PUM1: variants seen among roughly 807,000 people sequenced by gnomAD.
PUM1 encodes the protein pumilio RNA binding family member 1.
A neutral mutation model predicts 131.8 loss-of-function variants in PUM1; 13 were observed. The observed-to-expected ratio is 0.10, with a 90% CI of 0.06 to 0.16. The LOEUF is 0.16. PUM1 is among the 10% of genes least tolerant of loss of function. PUM1 has a pLI of 1.00. For synonymous variants in PUM1, 509 were observed against 556.5 expected, an observed-to-expected ratio of 0.91 and a Z score of 1.20; for missense variants, 961 against 1,512.4, an observed-to-expected ratio of 0.64 and a Z score of 6.05.
chr1:30,968,612 T>G, intron 10 of PUM1, 120 bp from the exon 11 acceptor site: 2 of 995,906 alleles, frequency 2.0e-6, no homozygotes, highest in Non-Finnish European at 2.9e-6. Context: ...ATAATGGTTT[T>G]TATATGTCAC....
chr1:30,936,940 G>C lies in PUM1; in HGVS notation c.3243-105C>G, dbSNP rs2124378799. 4 of 960,324 alleles carry C rather than the reference G, an allele frequency of 4.2e-6. No homozygotes were observed. The South Asian group carries it at 7.3e-5, about 17-fold the overall frequency. 59.5% of individuals were successfully genotyped at this position (960,324 alleles called of 1,614,324 possible). ...TGACCTCCGGACCAGCAGGGAGAGA[G>C]AGCTATTTAACATTTGAGGAAGATG... On this transcript the variant is annotated intron_variant, in intron 20 of 21. Coordinates refer to ENST00000426105, the MANE Select transcript of PUM1 (RefSeq NM_001020658.2).
chr1:30,941,939 A>C (rs1281965852), intron 19 of PUM1, 59 bp downstream of exon 19: 1 of 1,432,890 alleles, frequency 7.0e-7, no homozygotes, highest in Non-Finnish European at 9.5e-7. Flanking sequence ...AAACACACAA[A>C]CTCTGGCCCT....
chr1:30,962,997 T>C (rs1411508691), intron 14 of PUM1, among the ~76,000 whole-genome samples: 2 of 152,208 alleles, frequency 1.3e-5, no homozygotes, highest in African/African-American at 4.8e-5. Flanking sequence ...TGGTTCAAGA[T>C]ATCCTGAGTA....
intron 9 of PUM1, among the ~76,000 whole-genome samples, chr1:30,978,284 G>A (rs1047722316): frequency 3.3e-5 from 5 of 152,148 alleles, no homozygotes; most frequent in Middle Eastern, 3.2e-3. Context: ...GCAGCTGTCT[G>A]AGCCACAAAT....
intron 11 of PUM1, 97 bp from the exon 12 acceptor site, chr1:30,967,407 G>A (rs1640666347): frequency 1.6e-6 from 2 of 1,271,596 alleles, no homozygotes; most frequent in Non-Finnish European, 2.2e-6. Flanking sequence ...TCAGCTTTGA[G>A]GTTGAATTGG....
At chr1:30,943,994 A>G (rs1639566109) in intron 18 of PUM1, among the ~76,000 whole-genome samples, 1 of 152,212 alleles carries the variant, frequency 6.6e-6, no homozygotes, top group Non-Finnish European at 1.5e-5. Context: ...TATACATTCT[A>G]GTTATCAATC....
chr1:30,978,131 G>C (rs1022616698), intron 9 of PUM1, among the ~76,000 whole-genome samples: 2 of 152,106 alleles, frequency 1.3e-5, no homozygotes, highest in African/African-American at 4.8e-5. Flanking sequence ...TGTAGTCCCA[G>C]TTATTCAGGA....
chr1:30,967,484 A>T (rs757087348), intron 11 of PUM1, among the ~76,000 whole-genome samples, 174 bp from the exon 12 acceptor site: 12 of 152,218 alleles, frequency 7.9e-5, no homozygotes, highest in Non-Finnish European at 1.6e-4. Context: ...TGATTATAAA[A>T]ATCATAGTAC....
intron 19 of PUM1, 191 bp downstream of exon 19, chr1:30,941,807 C>T (rs1050140657): frequency 1.8e-6 from 1 of 549,190 alleles, no homozygotes; most frequent in Non-Finnish European, 3.3e-6. Context: ...GACTCCAGGG[C>T]TAGGGCTCAA....
At chr1:31,038,535 C>T (rs1643692409) in intron 2 of PUM1, among the ~76,000 whole-genome samples, 1 of 152,106 alleles carries the variant, frequency 6.6e-6, no homozygotes, top group African/African-American at 2.4e-5. Context: ...ATCCCTTGAG[C>T]GTCTAGCACA....
intron 3 of PUM1, among the ~76,000 whole-genome samples, chr1:31,008,032 A>T (rs138685145): frequency 2.6e-5 from 4 of 152,192 alleles, no homozygotes; most frequent in Non-Finnish European, 5.9e-5. Flanking sequence ...GGAAACTAAG[A>T]TGTTTGAGAT....
At position 31,039,155 on chromosome 1, in the gene PUM1, C is replaced by A. The variant is rs1643736666; in HGVS notation, c.364-10291G>T. Among the ~76,000 whole-genome samples, 2 of 148,444 alleles carry A rather than the reference C, an allele frequency of 1.3e-5. 1 individual carries two copies. The highest frequency in any genetic ancestry group is 4.3e-4 in the South Asian group (2 of 4,646). The stretch of plus-strand genomic sequence containing the variant: ...GGGACTACACGTGTATGTCACCATG[C>A]CTGGCTGACTTTTTAATTTTTTTAT... On this transcript the variant is annotated intron_variant, in intron 2 of 21. Transcript: ENST00000426105.
At chr1:30,998,433 T>TC (rs1236786278) in intron 5 of PUM1, among the ~76,000 whole-genome samples, 1 of 151,838 alleles carries the variant, frequency 6.6e-6, no homozygotes, top group African/African-American at 2.4e-5. Flanking sequence ...GGCCTAGAGT[T>TC]CAAGACAAGC....
Position 30,945,363 on chromosome 1 carries a change from C to T in PUM1, c.2977G>A (p.Asp993Asn). 6.2e-7 allele frequency: 1 copy of T among 1,614,126 alleles called. No homozygotes were observed. Among genetic ancestry groups the T allele is most frequent in the Non-Finnish European group, 8.5e-7 (1 of 1,180,022 alleles). Reference protein sequence around the residue: ...VQPQSLQFIIDAFKGQVFALS... With the variant: ...VQPQSLQFIINAFKGQVFALS... ...TCACTTACCTGTCCCTTAAACGCAT[C>T]GATGATAAATTGCAAAGACTGGGGC... The change falls in exon 18 of 22, where the codon GAT becomes AAT. Residue 993 changes from aspartate to asparagine, a missense_variant. Asp to Asn is a conservative substitution (Grantham distance 23). Transcript: ENST00000426105.
At chr1:30,987,984 GCAT>G (rs1439718354) in intron 7 of PUM1, among the ~76,000 whole-genome samples, 2 of 152,070 alleles carry the variant, frequency 1.3e-5, no homozygotes, top group East Asian at 1.9e-4. Context: ...TCTATTTCAT[GCAT>G]CATATCATAA....
intron 2 of PUM1, among the ~76,000 whole-genome samples, chr1:31,054,886 GGGAAGC>G (rs1368451063): frequency 1.3e-5 from 2 of 152,178 alleles, no homozygotes; most frequent in East Asian, 3.9e-4. Context: ...ATCTTGCCTA[GGGAAGC>G]AGAAACAGAT....
intron 7 of PUM1, among the ~76,000 whole-genome samples, chr1:30,991,896 C>G (rs1253136736): frequency 6.6e-6 from 1 of 152,148 alleles, no homozygotes; most frequent in Admixed American, 6.6e-5. Flanking sequence ...TTCCTCTGAT[C>G]GCATTCTAAT....
chr1:31,027,384 C>G (rs1488194145), intron 3 of PUM1, among the ~76,000 whole-genome samples: 1 of 152,204 alleles, frequency 6.6e-6, no homozygotes, highest in Non-Finnish European at 1.5e-5. Flanking sequence ...GTTTCTCTTT[C>G]TATACTTAAT....
At chr1:30,980,247 T>C in intron 8 of PUM1, 84 bp from the exon 9 acceptor site, 1 of 1,047,772 alleles carries the variant, frequency 9.5e-7, no homozygotes, top group Non-Finnish European at 1.5e-6. Flanking sequence ...CGCTATTCAC[T>C]CCAGACAGTA....
Sources: gnomAD v4.1 joint callset for allele counts (sites outside exome capture counted in the v4.1 genomes callset) on GRCh38, gnomAD v4.1.1 for gene constraint, MANE v1.5 for transcripts, NCBI Gene and HGNC (gene_info 2026-07-23, HGNC 2026-07-21) for gene names.